The following XRCC4 variants were observed in gnomAD, a reference collection of about 807,000 sequenced individuals.
XRCC4 encodes the protein DNA repair protein XRCC4.
Under a neutral mutation model 39.1 loss-of-function variants are expected in XRCC4, and 28 were observed. The ratio of observed to expected loss-of-function variants is 0.72; its 90% CI spans 0.53 to 0.98. XRCC4 has a LOEUF of 0.98. XRCC4 is among the 50% of genes least tolerant of loss of function. The pLI is 0.00. For missense variants in XRCC4, 350 were observed against 376.4 expected (o/e 0.93, Z 0.58); for synonymous variants, 123 against 126.4 (o/e 0.97, Z 0.18).
chr5:83,330,862 A>C (rs1756416371), intron 7 of XRCC4, among the ~76,000 whole-genome samples: 1 of 152,094 alleles, frequency 6.6e-6, no homozygotes, highest in Non-Finnish European at 1.5e-5. Context: ...AGGGGAAGAC[A>C]TAGCAAGATC....
At chr5:83,345,481 G>C (rs371576577) in intron 7 of XRCC4, among the ~76,000 whole-genome samples, 8 of 152,076 alleles carry the variant, frequency 5.3e-5, no homozygotes, top group Admixed American at 2.0e-4. Flanking sequence ...AATAACAGTT[G>C]AGTTTTTAAA....
chr5:83,340,588 G>A (rs62371881), intron 7 of XRCC4, among the ~76,000 whole-genome samples: 2,589 of 151,526 alleles, frequency 0.017, 36 homozygotes, highest in Middle Eastern at 0.041. Context: ...TTGAAGTTTT[G>A]AAGACAGGAA....
At chr5:83,260,503 G>A (rs1753712022) in intron 7 of XRCC4, among the ~76,000 whole-genome samples, 2 of 151,976 alleles carry the variant, frequency 1.3e-5, no homozygotes. Flanking sequence ...GGAAATATTG[G>A]TTTTATGTTG....
chr5:83,125,110 GTTTA>G (rs1747196380), intron 3 of XRCC4, among the ~76,000 whole-genome samples: 1 of 151,800 alleles, frequency 6.6e-6, no homozygotes, highest in South Asian at 2.1e-4. Context: ...CTTTTCATAT[GTTTA>G]TTTGCCATCT....
chr5:83,365,289 T>A, the XRCC4 span, among the ~76,000 whole-genome samples: 2 of 152,172 alleles, frequency 1.3e-5, no homozygotes, highest in Non-Finnish European at 2.9e-5. Context: ...AGGGTGGTAT[T>A]TTTTAAGTAG....
chr5:83,363,806 A>C, the XRCC4 span, among the ~76,000 whole-genome samples: 1 of 152,206 alleles, frequency 6.6e-6, no homozygotes, highest in Non-Finnish European at 1.5e-5. Flanking sequence ...GAACATTCCC[A>C]ACCCTGCTTT....
intron 7 of XRCC4, among the ~76,000 whole-genome samples, chr5:83,343,070 C>CT (rs57984474): frequency 0.026 from 3,728 of 145,664 alleles, 132 homozygotes; most frequent in African/African-American, 0.083. Context: ...AAATATTTGA[C>CT]TTTTTTTTTT....
At chr5:83,113,223 A>G (rs545496941) in intron 3 of XRCC4, among the ~76,000 whole-genome samples, 5 of 152,314 alleles carry the variant, frequency 3.3e-5, no homozygotes, top group Admixed American at 2.0e-4. Flanking sequence ...TCGAAATCCA[A>G]TAGGGCAGTC....
intron 3 of XRCC4, among the ~76,000 whole-genome samples, chr5:83,163,886 A>T (rs1300608971): frequency 1.3e-5 from 2 of 152,254 alleles, no homozygotes; most frequent in African/African-American, 4.8e-5. Context: ...TATCAGAAAC[A>T]TGTCCCTTGA....
At chr5:83,164,908 A>T (rs145084933) in intron 3 of XRCC4, among the ~76,000 whole-genome samples, 1 of 152,204 alleles carries the variant, frequency 6.6e-6, no homozygotes, top group East Asian at 1.9e-4. Flanking sequence ...TGTTAGAAAT[A>T]TGAACTTGCT....
chr5:83,302,518 C>T (rs1755325945), intron 7 of XRCC4, among the ~76,000 whole-genome samples: 1 of 152,180 alleles, frequency 6.6e-6, no homozygotes, highest in Non-Finnish European at 1.5e-5. Flanking sequence ...CTGAGGGCTG[C>T]ACCCACTGTC....
At chr5:83,354,530 A>T (rs143052496), downstream of XRCC4, among the ~76,000 whole-genome samples, 26 of 152,350 alleles carry the variant, frequency 1.7e-4, no homozygotes, top group African/African-American at 6.3e-4. Flanking sequence ...TCACAAAAGG[A>T]GTTTCTTAAG....
intron 7 of XRCC4, among the ~76,000 whole-genome samples, chr5:83,288,360 G>A (rs926372674): frequency 1.3e-5 from 2 of 151,790 alleles, no homozygotes; most frequent in African/African-American, 2.4e-5. Context: ...CTGAAAGCAG[G>A]CTATTGAAGC....
intron 6 of XRCC4, among the ~76,000 whole-genome samples, chr5:83,219,812 TTTAG>T (rs989508331): frequency 6.6e-6 from 1 of 152,200 alleles, no homozygotes; most frequent in African/African-American, 2.4e-5. Context: ...TTTGAGTATA[TTTAG>T]TTAAACACGT....
intron 3 of XRCC4, among the ~76,000 whole-genome samples, chr5:83,161,431 C>T (rs1749209237): frequency 6.6e-6 from 1 of 152,032 alleles, no homozygotes; most frequent in South Asian, 2.1e-4. Context: ...CACGACCGGC[C>T]CTTTTTATTC....
intron 1 of XRCC4, among the ~76,000 whole-genome samples, chr5:83,099,940 A>G (rs1316322344): frequency 6.6e-6 from 1 of 152,178 alleles, no homozygotes; most frequent in African/African-American, 2.4e-5. Flanking sequence ...CTTAAAAGAC[A>G]TTCCAAGTCA....
chr5:83,238,990 C>G (rs1752801016), intron 6 of XRCC4, among the ~76,000 whole-genome samples: 1 of 152,152 alleles, frequency 6.6e-6, no homozygotes, highest in Non-Finnish European at 1.5e-5. Flanking sequence ...CCTGTTCACA[C>G]TAGACTGTGC....
chr5:83,122,302 C>T (rs1207235419), intron 3 of XRCC4, among the ~76,000 whole-genome samples: 1 of 152,040 alleles, frequency 6.6e-6, no homozygotes, highest in Non-Finnish European at 1.5e-5. Context: ...AAATATAATA[C>T]ATCCATATAT....
intron 7 of XRCC4, among the ~76,000 whole-genome samples, chr5:83,302,659 A>G (rs1225353840): frequency 6.6e-6 from 1 of 152,176 alleles, no homozygotes; most frequent in Non-Finnish European, 1.5e-5. Flanking sequence ...GAAACCCTCA[A>G]TTTTATGTTT....
Sources: gnomAD v4.1 joint callset for allele counts (sites outside exome capture counted in the v4.1 genomes callset) on GRCh38, gnomAD v4.1.1 for gene constraint, MANE v1.5 for transcripts, NCBI Gene and HGNC (gene_info 2026-07-23, HGNC 2026-07-21) for gene names.